MPC1: variants seen among roughly 807,000 people sequenced by gnomAD.
MPC1 encodes HSPC040 protein.
A neutral mutation model predicts 13.9 loss-of-function variants in MPC1; 6 were observed. That is an observed-to-expected ratio of 0.43 (90% CI 0.24 to 0.85). MPC1 has a LOEUF of 0.85. Among genes scored for constraint, MPC1 ranks in the 40% least tolerant of loss-of-function variants. The pLI, the probability that MPC1 is intolerant of heterozygous loss-of-function variation, is 0.24. For missense variants in MPC1, 115 were observed against 143.3 expected (o/e 0.80, Z 1.01); for synonymous variants, 47 against 50.5 (o/e 0.93, Z 0.29).
chr6:166,382,361 C>A (rs904275876), intron 1 of MPC1, among the ~76,000 whole-genome samples: 1 of 151,900 alleles, frequency 6.6e-6, no homozygotes, highest in Non-Finnish European at 1.5e-5. Context: ...AGAGGCGTCC[C>A]CAGTGTCACC....
intron 2 of MPC1, chr6:166,369,926 C>T (rs1056658253): frequency 3.7e-6 from 2 of 544,156 alleles, no homozygotes; most frequent in Admixed American, 3.0e-5. Context: ...CTTTTTCTTT[C>T]TCTATTTCCT....
At chr6:166,372,762 T>C (rs1435481935) in intron 1 of MPC1, among the ~76,000 whole-genome samples, 1 of 150,228 alleles carries the variant, frequency 6.7e-6, no homozygotes, top group Non-Finnish European at 1.5e-5. Flanking sequence ...AAAGGGGAGA[T>C]AAATTTATAA....
At chr6:166,379,797 G>A (rs551175137) in intron 1 of MPC1, among the ~76,000 whole-genome samples, 9 of 152,256 alleles carry the variant, frequency 5.9e-5, no homozygotes, top group South Asian at 2.1e-4. Flanking sequence ...ATACAATGAC[G>A]TTTTCTGCTT....
chr6:166,382,192 C>T (rs1009138528), intron 1 of MPC1, among the ~76,000 whole-genome samples: 2 of 152,348 alleles, frequency 1.3e-5, no homozygotes, highest in Non-Finnish European at 2.9e-5. Context: ...CTCTGTCACC[C>T]CTGCCGGGTC....
chr6:166,381,891 AC>A (rs777298741), intron 1 of MPC1: 1 of 844,944 alleles, frequency 1.2e-6, no homozygotes, highest in Non-Finnish European at 1.4e-6. Flanking sequence ...CGAAAGGCGA[AC>A]CCAAGGCCAG....
intron 1 of MPC1, among the ~76,000 whole-genome samples, chr6:166,372,936 G>A (rs1779432374): frequency 6.6e-6 from 1 of 152,134 alleles, no homozygotes; most frequent in African/African-American, 2.4e-5. Flanking sequence ...AATTCTCATG[G>A]AGGAGAAACT....
At chr6:166,366,712 C>T in intron 3 of MPC1, 83 bp downstream of exon 3, 1 of 1,312,428 alleles carries the variant, frequency 7.6e-7, no homozygotes. Context: ...GTGACTGTAA[C>T]ATCTAGTGCT....
At chr6:166,366,683 T>C (rs1779167393) in intron 3 of MPC1, 112 bp downstream of exon 3, 1 of 962,688 alleles carries the variant, frequency 1.0e-6, no homozygotes, top group Admixed American at 2.0e-5. Flanking sequence ...CATCACATTC[T>C]GTATGTGACT....
At position 166,365,538 on chromosome 6, in the gene MPC1, C is replaced by A; in HGVS notation, c.306-85G>T. ...GGCTTTGGATGGCTTTTAAAAGACA[C>A]CTTTACATAACATTTATTTCAACTT... On this transcript the variant is annotated intron_variant, in intron 4 of 4. Coordinates refer to ENST00000360961, the MANE Select transcript of MPC1 (RefSeq NM_016098.4). This position sits in a 1 kb window ranked among gnomAD's most constrained non-coding sequence, Gnocchi z 4.2. 1.9e-6 allele frequency: 2 copies of A among 1,070,138 alleles called. No homozygotes were observed. Among genetic ancestry groups the A allele is most frequent in the African/African-American group, 1.6e-5 (1 of 61,916 alleles). The allele number at this position is 1,070,138 out of a possible 1,614,324, so 66.3% of individuals were successfully genotyped here.
At position 166,366,052 on chromosome 6, in the gene MPC1, C is replaced by A; in HGVS notation, c.227G>T (p.Arg76Leu). The part of the protein sequence containing the change: ...FMRFAYKVQP[R>L]NWLLFACHAT... ...GTGGCATGCAAACAGAAGCCAGTTC[C>A]GAGGCTGTACCTTGTAGGCAAATCT... is the stretch of plus-strand genomic sequence containing the variant. The change falls in exon 4 of 5, where the codon CGG (arginine) becomes CTG (leucine). Residue 76 changes from arginine to leucine, a missense_variant. By Grantham distance (102) the Arg-to-Leu change is moderately radical (BLOSUM62 -2). This residue lies in a region of MPC1 where 71 missense variants were observed against 88.5 expected (regional missense o/e 0.80). Transcript: ENST00000360961. The A allele has an allele frequency of 6.2e-7, 1 of 1,613,844 alleles. No homozygotes were observed.
intron 2 of MPC1, chr6:166,369,062 AAACC>A (rs1779276653): frequency 2.0e-6 from 1 of 491,328 alleles, no homozygotes; most frequent in Non-Finnish European, 2.6e-6. Flanking sequence ...GAATAAATCT[AAACC>A]TAAAGTAGCC....
chr6:166,366,559 C>T (rs552800912), intron 3 of MPC1, among the ~76,000 whole-genome samples: 4 of 152,338 alleles, frequency 2.6e-5, no homozygotes, highest in African/African-American at 9.6e-5. Context: ...ATGACACAGT[C>T]TTCAGTTCAG....
intron 3 of MPC1, among the ~76,000 whole-genome samples, chr6:166,366,466 A>C (rs1264191488): frequency 3.3e-5 from 5 of 152,352 alleles, no homozygotes; most frequent in Middle Eastern, 3.4e-3. Context: ...TTCAAATATC[A>C]GGGTTTCAAG....
chr6:166,369,050 T>C (rs990978580), intron 2 of MPC1: 20 of 569,160 alleles, frequency 3.5e-5, no homozygotes, highest in African/African-American at 4.1e-5. Context: ...AAATGGACAA[T>C]GGAATAAATC....
chr6:166,381,504 A>AC (rs1779781364), intron 1 of MPC1, among the ~76,000 whole-genome samples: 4 of 152,246 alleles, frequency 2.6e-5, no homozygotes. Flanking sequence ...TTACCTCTTG[A>AC]CCACACTATT....
intron 2 of MPC1, 178 bp from the exon 3 acceptor site, chr6:166,367,069 A>C: frequency 6.8e-7 from 1 of 1,470,352 alleles, no homozygotes; most frequent in South Asian, 1.2e-5. Flanking sequence ...GGATTGTCCA[A>C]GTGTTCCTGT....
chr6:166,380,074 G>C (rs558318459), intron 1 of MPC1, among the ~76,000 whole-genome samples: 1 of 152,304 alleles, frequency 6.6e-6, no homozygotes, highest in African/African-American at 2.4e-5. Flanking sequence ...TTCACATCAC[G>C]TGTTCACCTT....
At chr6:166,368,226 A>G (rs1779234935) in intron 2 of MPC1, among the ~76,000 whole-genome samples, 1 of 152,202 alleles carries the variant, frequency 6.6e-6, no homozygotes, top group Non-Finnish European at 1.5e-5. Flanking sequence ...TGGCTCTCAA[A>G]TTGGACAGCA....
At chr6:166,379,461 T>A (rs577106425) in intron 1 of MPC1, among the ~76,000 whole-genome samples, 2 of 151,972 alleles carry the variant, frequency 1.3e-5, no homozygotes, top group African/African-American at 4.9e-5. Context: ...GCCATTGCAC[T>A]CCAGCCTGGG....
Sources: gnomAD v4.1 joint callset for allele counts (sites outside exome capture counted in the v4.1 genomes callset) on GRCh38, gnomAD v4.1.1 for gene constraint, gnomAD v4.1.1 regional missense constraint, Gnocchi (gnomAD v3.1) non-coding constraint, MANE v1.5 for transcripts, NCBI Gene and HGNC (gene_info 2026-07-23, HGNC 2026-07-21) for gene names.